RALYL: variants seen among roughly 807,000 people sequenced by gnomAD.
The protein encoded by RALYL is RALY RNA binding protein like.
A neutral mutation model predicts 35.1 loss-of-function variants in RALYL; 29 were observed. The observed-to-expected ratio is 0.83, with a 90% CI of 0.61 to 1.13. The LOEUF is 1.13. Ranked by LOEUF, RALYL falls within the 50% of genes most tolerant of loss-of-function variation. The pLI, the probability that RALYL is intolerant of heterozygous loss-of-function variation, is 0.00. For missense variants in RALYL, 359 were observed against 360.4 expected, an observed-to-expected ratio of 1.00 and a Z score of 0.03; for synonymous variants, 120 against 127.6, an observed-to-expected ratio of 0.94 and a Z score of 0.40.
At chr8:84,524,539 C>T (rs970236746) in intron 1 of RALYL, among the ~76,000 whole-genome samples, 1 of 152,134 alleles carries the variant, frequency 6.6e-6, no homozygotes, top group Non-Finnish European at 1.5e-5. Flanking sequence ...GTGACTCTAT[C>T]ATTTAGATGG....
At chr8:84,483,488 G>A (rs1421915886) in intron 1 of RALYL, among the ~76,000 whole-genome samples, 1 of 152,034 alleles carries the variant, frequency 6.6e-6, no homozygotes, top group Non-Finnish European at 1.5e-5. Context: ...TGATATTCTG[G>A]AAATTTCAAC....
At chr8:84,647,183 A>C (rs1018685928) in intron 2 of RALYL, among the ~76,000 whole-genome samples, 1 of 152,096 alleles carries the variant, frequency 6.6e-6, no homozygotes, top group Admixed American at 6.6e-5. Flanking sequence ...GATGTTAATG[A>C]GAAAGTTATA....
At chr8:84,445,468 A>G (rs1287739967) in intron 1 of RALYL, among the ~76,000 whole-genome samples, 1 of 151,892 alleles carries the variant, frequency 6.6e-6, no homozygotes, top group African/African-American at 2.4e-5. Flanking sequence ...CCAGAACAAT[A>G]TATTTTACTT....
At chr8:84,480,237 A>G (rs536862246) in intron 1 of RALYL, among the ~76,000 whole-genome samples, 7 of 152,298 alleles carry the variant, frequency 4.6e-5, no homozygotes, top group Non-Finnish European at 1.0e-4. Context: ...TATCATTAAT[A>G]TCTGGAAAAG....
intron 2 of RALYL, among the ~76,000 whole-genome samples, chr8:84,630,991 G>A (rs1376935443): frequency 6.6e-6 from 1 of 151,954 alleles, no homozygotes; most frequent in Non-Finnish European, 1.5e-5. Flanking sequence ...CAACAGACAG[G>A]TGAACCTGAC....
At chr8:84,256,471 C>T (rs1336706908) in intron 1 of RALYL, among the ~76,000 whole-genome samples, 3 of 152,044 alleles carry the variant, frequency 2.0e-5, no homozygotes, top group African/African-American at 7.2e-5. Context: ...GACATAAAAT[C>T]ATTTCTGAAG....
chr8:84,659,792 A>G (rs1407014886), intron 2 of RALYL, among the ~76,000 whole-genome samples: 2 of 152,184 alleles, frequency 1.3e-5, no homozygotes, highest in East Asian at 3.8e-4. Flanking sequence ...TGTGACTACA[A>G]GGCTATAAAT....
At chr8:84,687,354 A>G (rs926452576) in intron 2 of RALYL, among the ~76,000 whole-genome samples, 2 of 152,098 alleles carry the variant, frequency 1.3e-5, no homozygotes, top group African/African-American at 4.8e-5. Context: ...AGTATTGTAT[A>G]TCTGTACTCA....
intron 1 of RALYL, among the ~76,000 whole-genome samples, chr8:84,477,177 CAT>C (rs2053526121): frequency 1.3e-5 from 2 of 152,232 alleles, no homozygotes; most frequent in South Asian, 2.1e-4. Context: ...CTCATTGCCA[CAT>C]GTTAGCTGTA....
chr8:84,196,138 A>C (rs1461121900), intron 1 of RALYL, among the ~76,000 whole-genome samples: 1 of 152,230 alleles, frequency 6.6e-6, no homozygotes, highest in Non-Finnish European at 1.5e-5. Flanking sequence ...TAGTGAACCA[A>C]TAGTATGAAA....
intron 2 of RALYL, among the ~76,000 whole-genome samples, chr8:84,773,564 A>G (rs1816081485): frequency 6.6e-6 from 1 of 152,126 alleles, no homozygotes; most frequent in South Asian, 2.1e-4. Flanking sequence ...GAGGTTGGTC[A>G]GTTGTATGCA....
At chr8:84,189,753 A>G (rs1586033005) in intron 1 of RALYL, among the ~76,000 whole-genome samples, 2 of 152,102 alleles carry the variant, frequency 1.3e-5, no homozygotes, top group African/African-American at 4.8e-5. Context: ...CCTAATATAA[A>G]ACAACTGTTA....
At chr8:84,887,825 CA>C in intron 8 of RALYL, 49 bp downstream of exon 8, 1 of 1,471,702 alleles carries the variant, frequency 6.8e-7, no homozygotes, top group Non-Finnish European at 9.3e-7. Flanking sequence ...ACAACACTAG[CA>C]TGTTAGCAAC....
At chr8:84,206,276 A>G (rs1308532800) in intron 1 of RALYL, among the ~76,000 whole-genome samples, 2 of 152,300 alleles carry the variant, frequency 1.3e-5, no homozygotes, top group East Asian at 3.9e-4. Flanking sequence ...GGGACCAAGT[A>G]AAATAGCCAC....
At chr8:84,584,956 G>C (rs1811660587) in intron 2 of RALYL, among the ~76,000 whole-genome samples, 1 of 152,098 alleles carries the variant, frequency 6.6e-6, no homozygotes, top group South Asian at 2.1e-4. Context: ...GTTTGCCCTA[G>C]AGCAGCCCTG....
chr8:84,596,701 A>G (rs1376432449), intron 2 of RALYL, among the ~76,000 whole-genome samples: 1 of 152,116 alleles, frequency 6.6e-6, no homozygotes. Context: ...TTAGACACCT[A>G]TGGAAAATTT....
intron 1 of RALYL, among the ~76,000 whole-genome samples, chr8:84,519,019 G>C (rs2058266578): frequency 6.6e-6 from 1 of 152,174 alleles, no homozygotes; most frequent in Non-Finnish European, 1.5e-5. Flanking sequence ...AGCAGAGTTT[G>C]ATTCCAGTGA....
rs543319113 is a variant in RALYL, at chr8:84,457,041, A to G, written c.-23-72258A>G. On this transcript the variant is annotated intron_variant, in intron 1 of 8. Transcript: ENST00000521268. ...TCTCTATTGTATTTTTCTACTGACAATGCAAATGCTTATCTTAAAACATCT... is the reference window on the plus strand; with the variant it reads ...TCTCTATTGTATTTTTCTACTGACAGTGCAAATGCTTATCTTAAAACATCT... Among the ~76,000 whole-genome samples the G allele has an allele frequency of 7.2e-5, 11 of 152,076 alleles. No individual in the cohort carries two copies. In the East Asian group the frequency reaches 1.9e-3, roughly 27 times the overall value.
At chr8:84,497,033 T>A (rs749622877) in intron 1 of RALYL, among the ~76,000 whole-genome samples, 1 of 152,126 alleles carries the variant, frequency 6.6e-6, no homozygotes, top group Non-Finnish European at 1.5e-5. Context: ...TACTCAATAT[T>A]CTAATGCAAA....
Sources: allele counts gnomAD v4.1 joint callset (sites outside exome capture counted in the v4.1 genomes callset), GRCh38; gene constraint gnomAD v4.1.1; transcripts MANE v1.5; gene names NCBI Gene and HGNC (gene_info 2026-07-23, HGNC 2026-07-21).